NELL1: variants seen among roughly 807,000 people sequenced by gnomAD.
NELL1 encodes the protein neural EGFL like 1, also known as protein kinase C-binding protein NELL1.
NELL1 carries 76 observed loss-of-function variants against 107.4 expected under a neutral mutation model. The observed-to-expected ratio is 0.71, with a 90% confidence interval of 0.59 to 0.86. NELL1 has a LOEUF of 0.86. Ranked by LOEUF, NELL1 falls within the 40% of genes least tolerant of loss-of-function variation. The pLI, the probability that NELL1 is intolerant of heterozygous loss-of-function variation, is 0.00. For synonymous variants in NELL1, 353 were observed against 341.2 expected (o/e 1.03, Z -0.38); for missense variants, 1,024 against 1,005.5 (o/e 1.02, Z -0.25).
chr11:21,412,869 C>T (rs1227028109), intron 15 of NELL1, among the ~76,000 whole-genome samples: 2 of 152,068 alleles, frequency 1.3e-5, no homozygotes, highest in Non-Finnish European at 2.9e-5. Context: ...TCATGAGTCC[C>T]ATTTGCAACC....
chr11:21,258,999 C>T (rs1326920376), intron 14 of NELL1, among the ~76,000 whole-genome samples: 1 of 151,802 alleles, frequency 6.6e-6, no homozygotes, highest in Non-Finnish European at 1.5e-5. Flanking sequence ...GTAGTCAGAC[C>T]AGCAAAAATA....
At position 21,170,399 on chromosome 11, in the gene NELL1, T is replaced by C. The variant is rs184582937; in HGVS notation, c.1426+56685T>C. On this transcript the variant is annotated intron_variant, in intron 13 of 19. Transcript: ENST00000357134. ...AGACAGAGATACAGGGACACACACA[T>C]CTTGAAGACATAATTTAAAATCCAA... Among the ~76,000 whole-genome samples the C allele has an allele frequency of 2.3e-4, 35 of 151,818 alleles. 1 individual carries two copies. Among genetic ancestry groups the C allele is most frequent in the African/African-American group, 8.3e-4 (34 of 41,144 alleles).
chr11:20,733,201 G>C (rs915423150), intron 2 of NELL1, among the ~76,000 whole-genome samples: 1 of 152,240 alleles, frequency 6.6e-6, no homozygotes, highest in Non-Finnish European at 1.5e-5. Context: ...GAGAGTCTTT[G>C]TTCTCTCCTA....
intron 12 of NELL1, among the ~76,000 whole-genome samples, chr11:21,066,226 C>G (rs1298078177): frequency 2.0e-5 from 3 of 152,134 alleles, no homozygotes; most frequent in Non-Finnish European, 2.9e-5. Context: ...TTGTGTCTCC[C>G]TGTTCTCTTA....
intron 15 of NELL1, among the ~76,000 whole-genome samples, chr11:21,432,390 GTC>G (rs1013571063): frequency 1.3e-5 from 2 of 152,068 alleles, no homozygotes; most frequent in African/African-American, 2.4e-5. Flanking sequence ...GAAAATGCTT[GTC>G]ATTATTGGGT....
At chr11:21,119,464 T>G (rs1855314641) in intron 13 of NELL1, among the ~76,000 whole-genome samples, 1 of 152,020 alleles carries the variant, frequency 6.6e-6, no homozygotes. Context: ...TATCTAGAGC[T>G]TAAAAGTGTG....
At chr11:21,200,600 G>A (rs558269895) in intron 13 of NELL1, among the ~76,000 whole-genome samples, 14 of 152,252 alleles carry the variant, frequency 9.2e-5, no homozygotes, top group African/African-American at 3.1e-4. Context: ...TCACCCTGAT[G>A]ATAGTTTCTT....
chr11:20,755,550 G>GTTTTTTTTTTTTTTTTTTTTTTT (rs1226891368), intron 2 of NELL1, among the ~76,000 whole-genome samples: 24 of 114,534 alleles, frequency 2.1e-4, no homozygotes, highest in African/African-American at 1.1e-3. Flanking sequence ...GTTTTTTTTT[G>GTTTTTTTTTTTTTTTTTTTTTTT]TTTTTGTTTT....
intron 13 of NELL1, among the ~76,000 whole-genome samples, chr11:21,191,333 G>A (rs1857044614): frequency 2.0e-5 from 3 of 151,726 alleles, no homozygotes; most frequent in African/African-American, 7.3e-5. Flanking sequence ...CAATGTTGCT[G>A]GCTTTGAAAA....
intron 13 of NELL1, among the ~76,000 whole-genome samples, chr11:21,172,833 G>A (rs191901702): frequency 1.8e-3 from 279 of 151,738 alleles, no homozygotes; most frequent in Non-Finnish European, 3.1e-3. Flanking sequence ...GATATTTTGG[G>A]TAAAGAAGTG....
At chr11:20,800,000 C>A (rs1857250320) in intron 3 of NELL1, among the ~76,000 whole-genome samples, 1 of 152,144 alleles carries the variant, frequency 6.6e-6, no homozygotes, top group Non-Finnish European at 1.5e-5. Context: ...AGGATCATGG[C>A]CCCCAGCTGT....
intron 4 of NELL1, among the ~76,000 whole-genome samples, chr11:20,871,758 A>G (rs930846391): frequency 4.0e-5 from 6 of 151,782 alleles, no homozygotes; most frequent in Admixed American, 1.3e-4. Flanking sequence ...GGTGGCTCAC[A>G]CCTGTAATCC....
rs78195162 is a variant in NELL1 at position 20,936,995 on chromosome 11, C to T, written c.998-791C>T. Among the ~76,000 whole-genome samples the T allele has an allele frequency of 1.3e-3, 199 of 150,920 alleles. 1 individual carries two copies. Among genetic ancestry groups the T allele is most frequent in the African/African-American group, 4.7e-3 (193 of 41,472 alleles). ...TCATCAGGGCAGGAGAGGGAGTGAC[C>T]AGATACTTGCTTCTTTTTTTCCTGT... On this transcript the variant is annotated intron_variant, in intron 9 of 19. Transcript: ENST00000357134.
chr11:21,398,319 T>A (rs1852024807), intron 15 of NELL1, among the ~76,000 whole-genome samples: 1 of 151,648 alleles, frequency 6.6e-6, no homozygotes, highest in South Asian at 2.1e-4. Context: ...TCTTTAAATG[T>A]TCATTAAAAA....
At chr11:20,733,807 C>G (rs79339944) in intron 2 of NELL1, among the ~76,000 whole-genome samples, 5,422 of 152,264 alleles carry the variant, frequency 0.036, 310 homozygotes, top group African/African-American at 0.12. Flanking sequence ...TGAGTGTCTA[C>G]TCTTTACTAG....
chr11:21,005,269 G>A (rs1194998352), intron 12 of NELL1, among the ~76,000 whole-genome samples: 1 of 152,142 alleles, frequency 6.6e-6, no homozygotes. Context: ...ATTGTATTAT[G>A]TCCAGAGCAT....
intron 14 of NELL1, among the ~76,000 whole-genome samples, chr11:21,249,702 T>C (rs1271554805): frequency 1.3e-5 from 2 of 152,202 alleles, no homozygotes; most frequent in Non-Finnish European, 2.9e-5. Context: ...CATACAAATG[T>C]CTGCATTACT....
chr11:21,257,715 A>G (rs1197741640), intron 14 of NELL1, among the ~76,000 whole-genome samples: 1 of 151,962 alleles, frequency 6.6e-6, no homozygotes, highest in Non-Finnish European at 1.5e-5. Context: ...GCTTGAAAGA[A>G]GCAATAGTAC....
intron 12 of NELL1, among the ~76,000 whole-genome samples, chr11:20,985,764 A>G (rs1851840377): frequency 6.6e-6 from 1 of 152,186 alleles, no homozygotes; most frequent in African/African-American, 2.4e-5. Flanking sequence ...TTTTTATCTG[A>G]ATTTCTTGGC....
Sources: allele counts gnomAD v4.1 joint callset (sites outside exome capture counted in the v4.1 genomes callset), GRCh38; gene constraint gnomAD v4.1.1; transcripts MANE v1.5; gene names NCBI Gene and HGNC (gene_info 2026-07-23, HGNC 2026-07-21).